The following THBS3 variants were observed in gnomAD, a reference collection of about 807,000 sequenced individuals.
THBS3 encodes the protein thrombospondin-3.
Under a neutral mutation model 118.3 loss-of-function variants are expected in THBS3, and 78 were observed. The ratio of observed to expected loss-of-function variants is 0.66; its 90% CI spans 0.55 to 0.80. The LOEUF (loss-of-function observed/expected upper bound fraction) is 0.80. THBS3 is among the 30% of genes least tolerant of loss of function. The pLI, the probability that THBS3 is intolerant of heterozygous loss-of-function variation, is 0.00. For missense variants in THBS3, 1,057 were observed against 1,247.4 expected (o/e 0.85, Z 2.30); for synonymous variants, 427 against 475.3 (o/e 0.90, Z 1.32).
In THBS3 at chr1:155,202,154, C is replaced by A; in HGVS notation, c.1098+107G>T. The A allele has an allele frequency of 6.3e-7, 1 of 1,597,040 alleles. No individual in the cohort carries two copies. Among genetic ancestry groups the A allele is most frequent in the South Asian group, 1.1e-5 (1 of 88,434 alleles). ...ATTAAGCCCAGACCCAAAGCCGATG[C>A]AAAGCCATCCATGTCCCATTCATCA... On this transcript the variant is annotated intron_variant, in intron 9 of 22. Transcript: ENST00000368378. This position sits in a 1 kb window ranked among gnomAD's most constrained non-coding sequence, Gnocchi z 5.5.
intron 2 of THBS3, chr1:155,205,586 T>C: frequency 2.3e-6 from 1 of 440,238 alleles, no homozygotes; most frequent in Middle Eastern, 6.2e-4. Flanking sequence ...GAGAACAGCC[T>C]GGTCAACATG....
Position 155,197,838 on chromosome 1 carries a change from T to G in THBS3, c.2302+42A>C. ...CCCCTACCCTCTGCCCCTATAGGAT[T>G]CCTCCATTTGGAAGTGATTGAACTG... On this transcript the variant is annotated intron_variant, in intron 19 of 22. Coordinates refer to ENST00000368378, the MANE Select transcript of THBS3 (RefSeq NM_007112.5). This position sits in a 1 kb window ranked among gnomAD's most constrained non-coding sequence, Gnocchi z 5.0. The G allele has an allele frequency of 6.2e-7, 1 of 1,613,584 alleles. No homozygotes were observed. The highest frequency in any genetic ancestry group is 2.2e-5 in the East Asian group (1 of 44,872).
chr1:155,197,684 C>G lies in THBS3; in HGVS notation c.2303-25G>C. 1.9e-6 allele frequency: 3 copies of G among 1,608,702 alleles called. No individual in the cohort carries two copies. Among genetic ancestry groups the G allele is most frequent in the Non-Finnish European group, 2.6e-6 (3 of 1,175,692 alleles). On this transcript the variant is annotated intron_variant, in intron 19 of 22. Transcript: ENST00000368378. The surrounding 1 kb of genome is among the most constrained non-coding windows in gnomAD (Gnocchi z 5.0). ...CCTGGGGTGGGGGTGGGATAAAGGT[C>G]AGGGGCAGCAAAGCTACTGGCGGCC...
rs753031581 is a variant in THBS3, at chr1:155,197,616, A to G, written c.2346T>C (p.His782=). The G allele has an allele frequency of 1.1e-5, 14 of 1,310,546 alleles. No homozygotes were observed. Among genetic ancestry groups the G allele is most frequent in the Admixed American group, 5.8e-5 (3 of 51,634 alleles). The allele number at this position is 1,310,546 out of a possible 1,614,324, so 81.2% of individuals were successfully genotyped here. ...AGTCATCATCAGTCACTGTGTTCAC[A>G]TGGAAGGTGCCTTCAAAGTCCACAC... The part of the protein sequence containing the change: ...FNGVDFEGTF[H]VNTVTDDDYA... The change falls in exon 20 of 23, where the codon CAT becomes CAC. Residue 782 remains histidine, a synonymous_variant. Transcript: ENST00000368378. This position sits in a 1 kb window ranked among gnomAD's most constrained non-coding sequence, Gnocchi z 5.0.
At position 155,202,142 on chromosome 1, in the gene THBS3, C is replaced by G. The variant is rs978603010; in HGVS notation, c.1099-108G>C. On this transcript the variant is annotated intron_variant, in intron 9 of 22. Transcript: ENST00000368378. This position sits in a 1 kb window ranked among gnomAD's most constrained non-coding sequence, Gnocchi z 5.5. ...GTGAACATCAACATTAAGCCCAGACCCAAAGCCGATGCAAAGCCATCCATG... is the reference window on the plus strand; with the variant it reads ...GTGAACATCAACATTAAGCCCAGACGCAAAGCCGATGCAAAGCCATCCATG... 1 of 1,600,976 alleles carries G rather than the reference C, an allele frequency of 6.2e-7. No homozygotes were observed. The highest frequency in any genetic ancestry group is 8.5e-7 in the Non-Finnish European group (1 of 1,171,854).
chr1:155,201,258 C>G, intron 11 of THBS3, 54 bp from the exon 12 acceptor site: 2 of 1,608,570 alleles, frequency 1.2e-6, no homozygotes, highest in Admixed American at 3.3e-5. Flanking sequence ...CCCCTCCTCC[C>G]TATATTTTCC....
In THBS3 at chr1:155,202,490, T is replaced by A. The variant is rs925816734; in HGVS notation, c.958-89A>T. The A allele has an allele frequency of 1.3e-6, 2 of 1,540,852 alleles. No individual in the cohort carries two copies. The highest frequency in any genetic ancestry group is 2.7e-5 in the African/African-American group (2 of 73,538). The stretch of plus-strand genomic sequence containing the variant: ...GATCCAGGAACCATTGCTCCAGGTC[T>A]CCCCTTTGTGCAGCTCTCCCCACAC... On this transcript the variant is annotated intron_variant, in intron 8 of 22. Transcript: ENST00000368378. This position sits in a 1 kb window ranked among gnomAD's most constrained non-coding sequence, Gnocchi z 5.5.
chr1:155,206,428 A>G lies in THBS3; in HGVS notation c.80-22T>C. 6.2e-7 allele frequency: 1 copy of G among 1,610,978 alleles called. No homozygotes were observed. The highest frequency in any genetic ancestry group is 1.1e-5 in the South Asian group (1 of 90,990). ...ATTACTGGTCAGGCAGGGGTTATCAAGGTTAGAGAATGGGATCAAATGCTA... is the reference window on the plus strand; with the variant it reads ...ATTACTGGTCAGGCAGGGGTTATCAGGGTTAGAGAATGGGATCAAATGCTA... On this transcript the variant is annotated intron_variant, in intron 1 of 22. Transcript: ENST00000368378. This position sits in a 1 kb window ranked among gnomAD's most constrained non-coding sequence, Gnocchi z 4.2.
Position 155,202,561 on chromosome 1 carries a change from C to T in THBS3, c.958-160G>A. 1 of 1,154,888 alleles carries T rather than the reference C, an allele frequency of 8.7e-7. No homozygotes were observed. Among genetic ancestry groups the T allele is most frequent in the Non-Finnish European group, 1.2e-6 (1 of 838,720 alleles). The allele number at this position is 1,154,888 out of a possible 1,614,324, so 71.5% of individuals were successfully genotyped here. A position where few individuals can be genotyped will look rare whatever the true frequency, so the allele number is the denominator to read the frequency against. ...CCCCACCCCACTTCCCTCGGGGTTC[C>T]CTCTCTCCCTCCCCATGCCACTGGT... On this transcript the variant is annotated intron_variant, in intron 8 of 22. Transcript: ENST00000368378. This position sits in a 1 kb window ranked among gnomAD's most constrained non-coding sequence, Gnocchi z 5.5.
At position 155,195,832 on chromosome 1, in the gene THBS3, G is replaced by A; in HGVS notation, c.*9C>T. ...AAAATTCTGAATTCTGAATCTGGTGGCCTCCTCCTCACACCCTTCCCTGGA... is the reference window on the plus strand; with the variant it reads ...AAAATTCTGAATTCTGAATCTGGTGACCTCCTCCTCACACCCTTCCCTGGA... On this transcript the variant is annotated 3_prime_UTR_variant, in exon 23 of 23. Transcript: ENST00000368378. The A allele has an allele frequency of 6.2e-7, 1 of 1,613,578 alleles. No individual in the cohort carries two copies. Among genetic ancestry groups the A allele is most frequent in the East Asian group, 2.2e-5 (1 of 44,860 alleles).
chr1:155,205,594 A>C, intron 2 of THBS3: 1 of 425,854 alleles, frequency 2.3e-6, no homozygotes, highest in South Asian at 3.0e-5. Context: ...CCTGGTCAAC[A>C]TGGCGAAACC....
chr1:155,203,256 G>A lies in THBS3; in HGVS notation c.723C>T (p.Ile241=). 6.2e-7 allele frequency: 1 copy of A among 1,614,160 alleles called. No homozygotes were observed. The highest frequency in any genetic ancestry group is 2.2e-5 in the East Asian group (1 of 44,886). The change falls in exon 6 of 23, where the codon ATC becomes ATT. Residue 241 remains isoleucine, a synonymous_variant. Transcript: ENST00000368378. ...LVTQLTLFNQ[I]LVELRDDIRD... The stretch of plus-strand genomic sequence containing the variant: ...GTATATCATCCCGCAGCTCCACCAG[G>A]ATCTGGTTGAAGAGGGTGAGTTGGG...
At chr1:155,208,663 C>A (rs919120807), upstream of THBS3, 2 of 923,702 alleles carry the variant, frequency 2.2e-6, no homozygotes, top group East Asian at 5.6e-5. Flanking sequence ...GTCACCTAAG[C>A]GACAGCCTGC....
upstream of THBS3, chr1:155,208,814 G>A: frequency 2.6e-6 from 4 of 1,556,256 alleles, no homozygotes; most frequent in Non-Finnish European, 3.5e-6. Context: ...CATGCTGCTC[G>A]GGGGACCCCC....
chr1:155,208,683 T>C (rs1670885423), upstream of THBS3: 2 of 1,090,224 alleles, frequency 1.8e-6, no homozygotes, highest in East Asian at 2.7e-5. Flanking sequence ...CGAGCCTCTC[T>C]TCCCCTCCCC....
intron 17 of THBS3, 26 bp downstream of exon 17, chr1:155,198,383 A>G: frequency 6.2e-7 from 1 of 1,608,280 alleles, no homozygotes; most frequent in East Asian, 2.2e-5. Flanking sequence ...ACACCAGTCT[A>G]ACGTGCTCTG....
chr1:155,206,113 G>C lies in THBS3; in HGVS notation c.286+87C>G. ...ACCTTGGTCCCTAGTGGAGGCCAAG[G>C]AGAATGAGGAAGCACTTGGGAAGTA... On this transcript the variant is annotated intron_variant, in intron 2 of 22. Coordinates refer to ENST00000368378, the MANE Select transcript of THBS3 (RefSeq NM_007112.5). This position sits in a 1 kb window ranked among gnomAD's most constrained non-coding sequence, Gnocchi z 4.2. 1 of 1,495,612 alleles carries C rather than the reference G, an allele frequency of 6.7e-7. No individual in the cohort carries two copies. Among genetic ancestry groups the C allele is most frequent in the Non-Finnish European group, 9.2e-7 (1 of 1,089,538 alleles). The allele number at this position is 1,495,612 out of a possible 1,614,324, so 92.6% of individuals were successfully genotyped here.
At chr1:155,209,048 G>A (rs1670939954), upstream of THBS3, 1 of 1,542,844 alleles carries the variant, frequency 6.5e-7, no homozygotes, top group Non-Finnish European at 8.7e-7. Context: ...CCTCTGGATG[G>A]GCCGGCGGCC....
rs1669569190 is a variant in THBS3 at position 155,200,714 on chromosome 1, A to G, written c.1549-104T>C. 2.6e-6 allele frequency: 4 copies of G among 1,562,440 alleles called. No individual in the cohort carries two copies. The African/African-American group carries it at 4.1e-5, about 16-fold the overall frequency. ...CCTTTTCTAAGATCACACCCTTGTG[A>G]TGGACAAACTGCTCAGTACAGTCCC... is the stretch of plus-strand genomic sequence containing the variant. On this transcript the variant is annotated intron_variant, in intron 13 of 22. Coordinates refer to ENST00000368378, the MANE Select transcript of THBS3 (RefSeq NM_007112.5).
Sources: gnomAD v4.1 joint callset for allele counts on GRCh38, gnomAD v4.1.1 for gene constraint, Gnocchi (gnomAD v3.1) non-coding constraint, MANE v1.5 for transcripts, NCBI Gene and HGNC (gene_info 2026-07-23, HGNC 2026-07-21) for gene names.